Variants in CAP2 observed in about 807,000 individuals in gnomAD.
The protein encoded by CAP2 is cyclase associated actin cytoskeleton regulatory protein 2, also known as adenylyl cyclase-associated protein 2.
In CAP2, 24 loss-of-function variants were observed where a neutral mutation model predicts 57.7. The ratio of observed to expected loss-of-function variants is 0.42; its 90% CI spans 0.30 to 0.58. The LOEUF is 0.58. Ranked by LOEUF, CAP2 falls within the 20% of genes least tolerant of loss-of-function variation. CAP2 has a pLI of 0.22. For missense variants in CAP2, 501 were observed against 590.3 expected (o/e 0.85, Z 1.57); for synonymous variants, 194 against 207.2 (o/e 0.94, Z 0.55).
intron 2 of CAP2, among the ~76,000 whole-genome samples, chr6:17,423,332 A>C (rs1249454148): frequency 6.6e-6 from 1 of 152,220 alleles, no homozygotes; most frequent in African/African-American, 2.4e-5. Flanking sequence ...TGTTGTTTTA[A>C]GGAAGGCTGC....
intron 4 of CAP2, among the ~76,000 whole-genome samples, chr6:17,487,517 TG>T (rs1761447561): frequency 6.6e-6 from 1 of 152,200 alleles, no homozygotes; most frequent in African/African-American, 2.4e-5. Flanking sequence ...TCGCCCAAGC[TG>T]GAGTGCAGAG....
intron 7 of CAP2, among the ~76,000 whole-genome samples, chr6:17,535,229 A>G (rs546381416): frequency 6.6e-6 from 1 of 151,708 alleles, no homozygotes; most frequent in Non-Finnish European, 1.5e-5. Flanking sequence ...GCTGCGCTAC[A>G]TATGAGTCAA....
intron 1 of CAP2, among the ~76,000 whole-genome samples, chr6:17,414,381 C>T (rs1759223779): frequency 6.6e-6 from 1 of 152,034 alleles, no homozygotes; most frequent in African/African-American, 2.4e-5. Flanking sequence ...CACCTATTGA[C>T]CCGTCCTCCA....
At chr6:17,465,817 A>G (rs951643256) in intron 4 of CAP2, among the ~76,000 whole-genome samples, 1 of 151,878 alleles carries the variant, frequency 6.6e-6, no homozygotes, top group Non-Finnish European at 1.5e-5. Flanking sequence ...CCCTCTAACA[A>G]CCTCCACCTG....
intron 6 of CAP2, among the ~76,000 whole-genome samples, chr6:17,510,312 A>T (rs950379560): frequency 6.6e-6 from 1 of 152,164 alleles, no homozygotes; most frequent in African/African-American, 2.4e-5. Context: ...AGTGTATGGG[A>T]TGTGAATTGT....
At chr6:17,485,695 A>G (rs1451794320) in intron 4 of CAP2, among the ~76,000 whole-genome samples, 3 of 152,246 alleles carry the variant, frequency 2.0e-5, no homozygotes, top group African/African-American at 7.2e-5. Context: ...TCAAATGGAA[A>G]TCTAAATGCC....
intron 7 of CAP2, among the ~76,000 whole-genome samples, chr6:17,530,422 C>T (rs1194079395): frequency 6.6e-6 from 1 of 152,052 alleles, no homozygotes; most frequent in African/African-American, 2.4e-5. Context: ...GATTGGAGAC[C>T]TATAAGTTGT....
chr6:17,480,491 G>A (rs926570501), intron 4 of CAP2, among the ~76,000 whole-genome samples: 2 of 152,148 alleles, frequency 1.3e-5, no homozygotes, highest in Admixed American at 1.3e-4. Context: ...CTGGTATATT[G>A]TAATAAGGGC....
At position 17,410,046 on chromosome 6, in the gene CAP2, C is replaced by T. The variant is rs75471291; in HGVS notation, c.-1-11509C>T. On this transcript the variant is annotated intron_variant, in intron 1 of 12. Transcript: ENST00000229922. ...TTTACTCGTCATTCATGCTTCCATGCGTTTGCATATGGAGGCATAGGCGGT... is the reference window on the plus strand; with the variant it reads ...TTTACTCGTCATTCATGCTTCCATGTGTTTGCATATGGAGGCATAGGCGGT... Among the ~76,000 whole-genome samples the T allele has an allele frequency of 1.3e-4, 20 of 152,290 alleles. 1 individual carries two copies. In the South Asian group the frequency reaches 3.5e-3, roughly 27 times the overall value.
chr6:17,431,079 C>G (rs952349422), intron 3 of CAP2, among the ~76,000 whole-genome samples: 2 of 152,092 alleles, frequency 1.3e-5, no homozygotes, highest in Non-Finnish European at 2.9e-5. Flanking sequence ...CATGCTCTCA[C>G]TAATAAGTGG....
Position 17,539,363 on chromosome 6 carries a change from C to T in CAP2, c.731C>T (p.Pro244Leu), listed in dbSNP as rs1363302477. 6 of 1,614,100 alleles carry T rather than the reference C, an allele frequency of 3.7e-6. No homozygotes were observed. The East Asian group carries it at 8.9e-5, about 24-fold the overall frequency. The change falls in exon 8 of 13, where the codon CCT becomes CTT. Residue 244 changes from proline to leucine, a missense_variant. Transcript: ENST00000229922. ...CCTCCTCTGCCTCCTCCAGGGCCAC[C>T]TCCACTTTTCGAGAATGAAGGCAAA... ...PPPPLPPPGP[P>L]PLFENEGKKE...
chr6:17,423,690 T>C (rs1759503883), intron 2 of CAP2, among the ~76,000 whole-genome samples: 2 of 152,194 alleles, frequency 1.3e-5, no homozygotes, highest in African/African-American at 4.8e-5. Context: ...ACTTGGTACA[T>C]TGTAAAAAAA....
At chr6:17,548,240 G>A (rs1176047585) in intron 11 of CAP2, among the ~76,000 whole-genome samples, 7 of 151,766 alleles carry the variant, frequency 4.6e-5, no homozygotes, top group East Asian at 1.9e-4. Flanking sequence ...TGGTGCAGGC[G>A]CCTGTAGTCT....
intron 1 of CAP2, among the ~76,000 whole-genome samples, chr6:17,403,058 A>G (rs1295442194): frequency 6.6e-6 from 1 of 152,194 alleles, no homozygotes; most frequent in East Asian, 1.9e-4. Context: ...AATAAGAATT[A>G]AATTGATGCT....
intron 3 of CAP2, among the ~76,000 whole-genome samples, chr6:17,458,140 T>C (rs1212574850): frequency 6.6e-6 from 1 of 152,202 alleles, no homozygotes; most frequent in Non-Finnish European, 1.5e-5. Context: ...CAAGGAAAAA[T>C]ACTGCATAGC....
intron 3 of CAP2, among the ~76,000 whole-genome samples, chr6:17,461,891 G>C (rs573664933): frequency 3.2e-4 from 48 of 149,514 alleles, no homozygotes; most frequent in African/African-American, 8.5e-4. Context: ...TACTCGGGGG[G>C]CTGAGGCAGG....
At chr6:17,457,288 C>T (rs1187426369) in intron 3 of CAP2, among the ~76,000 whole-genome samples, 2 of 152,196 alleles carry the variant, frequency 1.3e-5, no homozygotes, top group Admixed American at 6.5e-5. Context: ...CAAAACCCCT[C>T]GATTATTTGT....
intron 2 of CAP2, 30 bp from the exon 3 acceptor site, chr6:17,426,560 A>G (rs1339328350): frequency 1.3e-6 from 2 of 1,523,852 alleles, no homozygotes; most frequent in Non-Finnish European, 1.8e-6. Context: ...TTCAACGGCC[A>G]GGGAATAACA....
chr6:17,455,283 GA>G (rs59215413), intron 3 of CAP2, among the ~76,000 whole-genome samples: 77,870 of 147,720 alleles, frequency 0.53, 20,478 homozygotes, highest in East Asian at 0.83. Context: ...TACTGGTAAG[GA>G]AAAAAAAAAA....
Sources: gnomAD v4.1 joint callset for allele counts (sites outside exome capture counted in the v4.1 genomes callset) on GRCh38, gnomAD v4.1.1 for gene constraint, MANE v1.5 for transcripts, NCBI Gene and HGNC (gene_info 2026-07-23, HGNC 2026-07-21) for gene names.